Variants in LIMS2 observed in about 807,000 individuals in gnomAD.
LIMS2 encodes LIM zinc finger domain containing 2, also known as LIM and senescent cell antigen-like-containing domain protein 2.
A neutral mutation model predicts 45.3 loss-of-function variants in LIMS2; 30 were observed. The observed-to-expected ratio is 0.66, with a 90% CI of 0.50 to 0.90. The LOEUF (loss-of-function observed/expected upper bound fraction) is 0.90. Ranked by LOEUF, LIMS2 falls within the 40% of genes least tolerant of loss-of-function variation. The pLI is 0.00. For synonymous variants in LIMS2, 173 were observed against 188.0 expected (o/e 0.92, Z 0.65); for missense variants, 485 against 468.7 (o/e 1.03, Z -0.32).
intron 4 of LIMS2, among the ~76,000 whole-genome samples, chr2:127,649,187 G>GGAAA: frequency 6.6e-6 from 1 of 150,858 alleles, no homozygotes; most frequent in Non-Finnish European, 1.5e-5. Flanking sequence ...AAGGAAGGAA[G>GGAAA]GAAGGAAGGA....
chr2:127,664,278 G>A lies in LIMS2; in HGVS notation c.12-6716C>T, dbSNP rs1419819658. The A allele has an allele frequency of 1.9e-5, 23 of 1,231,424 alleles. No homozygotes were observed. The highest frequency in any genetic ancestry group is 2.3e-5 in the Non-Finnish European group (23 of 987,982). 76.3% of individuals were successfully genotyped at this position (1,231,424 alleles called of 1,614,324 possible). Reference sequence around the variant, plus strand: ...CCGCAGCTTTCCGGCCATTGTCCCCGCCACCCGCCCCGCCCCTGGCCACCT... The same window carrying A: ...CCGCAGCTTTCCGGCCATTGTCCCCACCACCCGCCCCGCCCCTGGCCACCT... On this transcript the variant is annotated intron_variant, in intron 1 of 9. Transcript: ENST00000355119. The surrounding 1 kb of genome is among the most constrained non-coding windows in gnomAD (Gnocchi z 5.5).
At chr2:127,680,386 G>A (rs1056774785), upstream of LIMS2, among the ~76,000 whole-genome samples, 1 of 152,250 alleles carries the variant, frequency 6.6e-6, no homozygotes, top group Non-Finnish European at 1.5e-5. Context: ...CCAGGATTTC[G>A]AGGTTACAGT....
chr2:127,644,792 C>T (rs1315633634), intron 4 of LIMS2, among the ~76,000 whole-genome samples: 2 of 152,208 alleles, frequency 1.3e-5, no homozygotes, highest in African/African-American at 4.8e-5. Context: ...AGCTTCAAGC[C>T]ACCACCTTTC....
At chr2:127,656,958 G>C (rs1052176931) in intron 2 of LIMS2, among the ~76,000 whole-genome samples, 2 of 152,164 alleles carry the variant, frequency 1.3e-5, no homozygotes, top group Non-Finnish European at 2.9e-5. Context: ...GTGCATATGC[G>C]GTGCCCTCTG....
chr2:127,643,602 G>A (rs953846309), intron 4 of LIMS2: 14 of 456,590 alleles, frequency 3.1e-5, no homozygotes, highest in South Asian at 1.9e-4. Context: ...CCAAACCCAG[G>A]AACTGTCACT....
At chr2:127,677,614 C>A (rs1048988471), upstream of LIMS2, among the ~76,000 whole-genome samples, 9 of 152,060 alleles carry the variant, frequency 5.9e-5, no homozygotes, top group South Asian at 1.9e-3. This position sits in a 1 kb window ranked among gnomAD's most constrained non-coding sequence, Gnocchi z 5.0. Context: ...GGTGGAGGGG[C>A]ACGGGAAATA....
intron 6 of LIMS2, chr2:127,641,275 T>G (rs900768167): frequency 7.0e-6 from 2 of 285,546 alleles, no homozygotes; most frequent in Non-Finnish European, 6.7e-6. Flanking sequence ...TGAGTCACCA[T>G]CCCCTCCCAG....
intron 1 of LIMS2, among the ~76,000 whole-genome samples, chr2:127,661,578 A>T (rs1318884655): frequency 3.0e-4 from 45 of 151,482 alleles, no homozygotes; most frequent in Admixed American, 2.9e-3. Flanking sequence ...ACCACTACCC[A>T]CCCCCAGCTG....
Position 127,647,080 on chromosome 2 carries a change from C to T in LIMS2, c.360-4008G>A, listed in dbSNP as rs1683070368. Among the ~76,000 whole-genome samples the T allele has an allele frequency of 6.6e-6, 1 of 152,214 alleles. No individual in the cohort carries two copies. Among genetic ancestry groups the T allele is most frequent in the Non-Finnish European group, 1.5e-5 (1 of 68,034 alleles). ...CCCGGGCTGGAGGCAGGAGGCACCA[C>T]AGGCCCACCTGGTGCCATGAGATAT... On this transcript the variant is annotated intron_variant, in intron 4 of 9. Coordinates refer to ENST00000355119, the MANE Select transcript of LIMS2 (RefSeq NM_001161403.3). This position sits in a 1 kb window ranked among gnomAD's most constrained non-coding sequence, Gnocchi z 4.3.
At chr2:127,654,740 C>T in intron 3 of LIMS2, 90 bp downstream of exon 3, 4 of 1,495,740 alleles carry the variant, frequency 2.7e-6, no homozygotes, top group Middle Eastern at 1.7e-4. Flanking sequence ...AAGAGCTGGG[C>T]CAGTTCTGTG....
intron 9 of LIMS2, 38 bp downstream of exon 9, chr2:127,640,030 CCT>C: frequency 6.2e-7 from 1 of 1,600,298 alleles, no homozygotes; most frequent in Non-Finnish European, 8.6e-7. Flanking sequence ...GCAGGAGCCC[CCT>C]CCACCCTGAG....
At chr2:127,670,772 C>T (rs1298892335) in intron 1 of LIMS2, among the ~76,000 whole-genome samples, 1 of 152,314 alleles carries the variant, frequency 6.6e-6, no homozygotes, top group East Asian at 1.9e-4. Context: ...GCCCAGTGGG[C>T]AGAGGCAGAG....
intron 6 of LIMS2, 128 bp downstream of exon 6, chr2:127,641,921 G>A: frequency 2.6e-6 from 3 of 1,134,098 alleles, no homozygotes; most frequent in Non-Finnish European, 3.7e-6. Flanking sequence ...TACCCCTGAG[G>A]AAGGGCCTCG....
intron 1 of LIMS2, among the ~76,000 whole-genome samples, chr2:127,663,527 G>A (rs1217676249): frequency 6.6e-6 from 1 of 152,200 alleles, no homozygotes; most frequent in Admixed American, 6.5e-5. Flanking sequence ...GGAGCTGAGA[G>A]TGGGCTATGC....
At chr2:127,676,871 T>C (rs1172975029), upstream of LIMS2, among the ~76,000 whole-genome samples, 1 of 152,178 alleles carries the variant, frequency 6.6e-6, no homozygotes. Context: ...ATCAGGGTCT[T>C]GTGGGAACCA....
intron 1 of LIMS2, among the ~76,000 whole-genome samples, chr2:127,657,951 C>T (rs1684374086): frequency 6.6e-6 from 1 of 152,208 alleles, no homozygotes; most frequent in Non-Finnish European, 1.5e-5. Context: ...GAGTAACTTG[C>T]CCAAGCTCAC....
Position 127,672,329 on chromosome 2 carries a change from C to T in LIMS2, c.11+2685G>A, listed in dbSNP as rs939677951. Among the ~76,000 whole-genome samples the T allele has an allele frequency of 6.6e-6, 1 of 152,140 alleles. No homozygotes were observed. The highest frequency in any genetic ancestry group is 2.4e-5 in the African/African-American group (1 of 41,406). On this transcript the variant is annotated intron_variant, in intron 1 of 9. Coordinates refer to ENST00000355119, the MANE Select transcript of LIMS2 (RefSeq NM_001161403.3). The surrounding 1 kb of genome is among the most constrained non-coding windows in gnomAD (Gnocchi z 4.9). ...TCCCTGAGTTGCTGCTGAGGCCGAG[C>T]CCCCTCTCTTCCCACGGCGTGCCAC...
intron 4 of LIMS2, chr2:127,643,928 A>T: frequency 2.5e-6 from 1 of 402,798 alleles, no homozygotes; most frequent in Non-Finnish European, 5.0e-6. Context: ...CCCGACGCCC[A>T]GTGTTGGCCC....
rs746117567 is a variant in LIMS2, at chr2:127,654,561, C to T, written c.239-17G>A. The T allele has an allele frequency of 3.7e-6, 6 of 1,613,902 alleles. No individual in the cohort carries two copies. The highest frequency in any genetic ancestry group is 1.6e-4 in the Middle Eastern group (1 of 6,082). ...TGAACTCACCTGGAAGAAGACAGGT[C>T]CCTGCTGGCTGGGGAGCACGTGCCT... On this transcript the variant is annotated splice_polypyrimidine_tract_variant and intron_variant, in intron 3 of 9. Transcript: ENST00000355119.
Sources: gnomAD v4.1 joint callset for allele counts (sites outside exome capture counted in the v4.1 genomes callset) on GRCh38, gnomAD v4.1.1 for gene constraint, Gnocchi (gnomAD v3.1) non-coding constraint, MANE v1.5 for transcripts, NCBI Gene and HGNC (gene_info 2026-07-23, HGNC 2026-07-21) for gene names.